The following PIK3R6 variants were observed in gnomAD, a reference collection of about 807,000 sequenced individuals.
The protein encoded by PIK3R6 is phosphoinositide-3-kinase regulatory subunit 6.
PIK3R6 carries 91 observed loss-of-function variants against 84.9 expected under a neutral mutation model. The observed-to-expected ratio is 1.07, with a 90% confidence interval of 0.90 to 1.28. The LOEUF (loss-of-function observed/expected upper bound fraction) is 1.28, where lower values mean the gene tolerates loss of function less well. Ranked by LOEUF, PIK3R6 falls within the 50% of genes most tolerant of loss-of-function variation. The pLI, the probability that PIK3R6 is intolerant of heterozygous loss-of-function variation, is 0.00. For missense variants in PIK3R6, 996 were observed against 985.1 expected (o/e 1.01, Z -0.15); for synonymous variants, 416 against 411.4 (o/e 1.01, Z -0.13).
At position 8,831,696 on chromosome 17, in the gene PIK3R6, C is replaced by A. The variant is rs528512165; in HGVS notation, c.802+1193G>T. ...AACCCAGGGCCTGGCACACTAACCT[C>A]TTCCGGTGGATTCCAGTCCTTAACC... On this transcript the variant is annotated intron_variant, in intron 9 of 19. Coordinates refer to ENST00000619866, the MANE Select transcript of PIK3R6 (RefSeq NM_001010855.4). Among the ~76,000 whole-genome samples the A allele has an allele frequency of 3.9e-5, 6 of 152,346 alleles. No homozygotes were observed. In the East Asian group the frequency reaches 1.2e-3, roughly 29 times the overall value.
At chr17:8,833,522 G>GC (rs368387131) in intron 8 of PIK3R6, among the ~76,000 whole-genome samples, 2 of 149,398 alleles carry the variant, frequency 1.3e-5, no homozygotes, top group East Asian at 3.9e-4. Context: ...GATCTGGGAA[G>GC]CCCCCCCTGA....
chr17:8,865,369 G>C (rs2151327696), intron 1 of PIK3R6, among the ~76,000 whole-genome samples: 1 of 152,294 alleles, frequency 6.6e-6, no homozygotes, highest in Admixed American at 6.5e-5. Flanking sequence ...AAGATGTGGA[G>C]CTTCCAGGCC....
In PIK3R6 at chr17:8,842,019, C is replaced by T. The variant is rs929135929; in HGVS notation, c.14-2322G>A. Among the ~76,000 whole-genome samples, 3 of 152,006 alleles carry T rather than the reference C, an allele frequency of 2.0e-5. No individual in the cohort carries two copies. Among genetic ancestry groups the T allele is most frequent in the Admixed American group, 2.0e-4 (3 of 15,242 alleles). On this transcript the variant is annotated intron_variant, in intron 2 of 19. Transcript: ENST00000619866. The surrounding 1 kb of genome is among the most constrained non-coding windows in gnomAD (Gnocchi z 4.5). Reference sequence around the variant, plus strand: ...CCTGAGAACTGGTTGTTAAAAAGAGCCCGGCACCTTCCCCCTCTCTCTTGC... The same window carrying T: ...CCTGAGAACTGGTTGTTAAAAAGAGTCCGGCACCTTCCCCCTCTCTCTTGC...
intron 9 of PIK3R6, among the ~76,000 whole-genome samples, chr17:8,830,768 C>T (rs2088204617): frequency 6.6e-6 from 1 of 152,224 alleles, no homozygotes; most frequent in Admixed American, 6.5e-5. Flanking sequence ...CTCTTACCCA[C>T]AACACTGTGC....
At chr17:8,833,885 G>A (rs2088352396) in intron 8 of PIK3R6, among the ~76,000 whole-genome samples, 3 of 151,790 alleles carry the variant, frequency 2.0e-5, no homozygotes, top group South Asian at 4.2e-4. Context: ...AGTGAGCCAT[G>A]CAGCCCAGCG....
At chr17:8,845,864 G>C (rs556856371) in intron 2 of PIK3R6, among the ~76,000 whole-genome samples, 3 of 152,106 alleles carry the variant, frequency 2.0e-5, no homozygotes, top group Non-Finnish European at 4.4e-5. Flanking sequence ...TTAAACCTGG[G>C]GGGTGGAGAT....
At chr17:8,860,390 A>G (rs1410109460) in intron 1 of PIK3R6, among the ~76,000 whole-genome samples, 9 of 152,136 alleles carry the variant, frequency 5.9e-5, no homozygotes, top group African/African-American at 1.4e-4. Context: ...AGAATCTAAT[A>G]CCTGATGATC....
chr17:8,829,659 G>A lies in PIK3R6; in HGVS notation c.889+47C>T, dbSNP rs1378700591. ...ACACTCATGCACGCATACACACACA[G>A]ACACAGACATATACCACTGTTTCCA... is the stretch of plus-strand genomic sequence containing the variant. On this transcript the variant is annotated intron_variant, in intron 10 of 19. Transcript: ENST00000619866. 1.1e-5 allele frequency: 17 copies of A among 1,514,352 alleles called. No homozygotes were observed. The East Asian group carries it at 3.9e-4, about 35-fold the overall frequency. 93.8% of individuals were successfully genotyped at this position (1,514,352 alleles called of 1,614,324 possible). A position where few individuals can be genotyped will look rare whatever the true frequency, so the allele number is the denominator to read the frequency against.
At chr17:8,808,393 T>TG (rs1198960202) in intron 18 of PIK3R6, among the ~76,000 whole-genome samples, 1 of 151,964 alleles carries the variant, frequency 6.6e-6, no homozygotes, top group Non-Finnish European at 1.5e-5. Flanking sequence ...TTTGTATCCT[T>TG]GGGGGTCCCG....
At chr17:8,805,726 G>T (rs1352884367) in intron 18 of PIK3R6, among the ~76,000 whole-genome samples, 2 of 152,088 alleles carry the variant, frequency 1.3e-5, no homozygotes, top group East Asian at 3.9e-4. Context: ...GATCAGCCTG[G>T]CCAACATGGT....
rs1428110396 is a variant in PIK3R6, at chr17:8,803,013, G to T, written c.*260C>A. 6.3e-6 allele frequency: 3 copies of T among 476,492 alleles called. No homozygotes were observed. Among genetic ancestry groups the T allele is most frequent in the East Asian group, 8.5e-5 (2 of 23,502 alleles). The allele number at this position is 476,492 out of a possible 1,614,324, so 29.5% of individuals were successfully genotyped here. ...GGAATTGAAGCTAAATGAAGGAGTA[G>T]ACATTTGTATGAGAAGCTGGGCTTG... On this transcript the variant is annotated 3_prime_UTR_variant, in exon 20 of 20. Transcript: ENST00000619866. This position sits in a 1 kb window ranked among gnomAD's most constrained non-coding sequence, Gnocchi z 5.0.
In PIK3R6 at chr17:8,819,451, G is replaced by A. The variant is rs547235571; in HGVS notation, c.1880-253C>T. On this transcript the variant is annotated intron_variant, in intron 17 of 19. Coordinates refer to ENST00000619866, the MANE Select transcript of PIK3R6 (RefSeq NM_001010855.4). ...GGCCATCACCAACCCAAATCCGCACGCCCTACCCTTTCATTATCTCCTCCT... is the reference window on the plus strand; with the variant it reads ...GGCCATCACCAACCCAAATCCGCACACCCTACCCTTTCATTATCTCCTCCT... Among the ~76,000 whole-genome samples the A allele has an allele frequency of 6.1e-4, 93 of 151,822 alleles. 1 individual carries two copies. In the South Asian group the frequency reaches 0.018, roughly 30 times the overall value.
chr17:8,823,539 G>A (rs781174443), intron 13 of PIK3R6, 42 bp from the exon 14 acceptor site: 4 of 1,380,464 alleles, frequency 2.9e-6, no homozygotes, highest in Non-Finnish European at 4.1e-6. Flanking sequence ...CTCCCCCAAG[G>A]CCACTGTGGG....
chr17:8,819,616 G>T (rs1487943501), intron 17 of PIK3R6, among the ~76,000 whole-genome samples: 1 of 150,518 alleles, frequency 6.6e-6, no homozygotes, highest in Non-Finnish European at 1.5e-5. Flanking sequence ...GAGGGCATCA[G>T]TGCCAACAGG....
At position 8,803,891 on chromosome 17, in the gene PIK3R6, T is replaced by C. The variant is rs1016211858; in HGVS notation, c.2108+150A>G. On this transcript the variant is annotated intron_variant, in intron 19 of 19. Coordinates refer to ENST00000619866, the MANE Select transcript of PIK3R6 (RefSeq NM_001010855.4). The surrounding 1 kb of genome is among the most constrained non-coding windows in gnomAD (Gnocchi z 5.0). ...ATCCAAAGCATAGGGCAGTGGCCTC[T>C]GTCCATCCTCACCAAGGTTACCTGC... is the stretch of plus-strand genomic sequence containing the variant. 2.8e-5 allele frequency: 19 copies of C among 674,036 alleles called. No homozygotes were observed. Among genetic ancestry groups the C allele is most frequent in the Admixed American group, 2.5e-4 (10 of 39,944 alleles). 41.8% of individuals were successfully genotyped at this position (674,036 alleles called of 1,614,324 possible).
chr17:8,822,051 TC>T (rs2087751441), intron 16 of PIK3R6, 115 bp from the exon 17 acceptor site: 56 of 645,506 alleles, frequency 8.7e-5, no homozygotes, highest in Non-Finnish European at 1.2e-4. Context: ...GCTGTGAGAG[TC>T]TTTTTTTTTT....
chr17:8,819,156 G>C lies in PIK3R6; in HGVS notation c.1922C>G (p.Thr641Arg). The change falls in exon 18 of 20, where the codon ACA becomes AGA. Residue 641 changes from threonine (T) to arginine (R), a missense_variant. Thr to Arg is a moderately conservative substitution (Grantham distance 71). Coordinates refer to ENST00000619866, the MANE Select transcript of PIK3R6 (RefSeq NM_001010855.4). ...SHCPLPAAPV[T>R]DHTCLNVNVT... ...GTTGACATTCAGACATGTGTGGTCT[G>C]TGACAGGAGCAGCAGGCAGGGGGCA... The C allele has an allele frequency of 6.2e-7, 1 of 1,610,904 alleles. No homozygotes were observed. Among genetic ancestry groups the C allele is most frequent in the Non-Finnish European group, 8.5e-7 (1 of 1,178,516 alleles).
chr17:8,848,971 G>T (rs769449106), intron 2 of PIK3R6, among the ~76,000 whole-genome samples: 2 of 152,190 alleles, frequency 1.3e-5, no homozygotes, highest in Admixed American at 6.5e-5. Flanking sequence ...GTCTCAGCGT[G>T]GTGGCCTAAG....
intron 1 of PIK3R6, among the ~76,000 whole-genome samples, chr17:8,859,160 G>C (rs1171775526): frequency 1.3e-5 from 2 of 152,258 alleles, no homozygotes; most frequent in Non-Finnish European, 1.5e-5. Flanking sequence ...CCCTCTGGCT[G>C]TCTTCTGAGT....
Sources: allele counts gnomAD v4.1 joint callset (sites outside exome capture counted in the v4.1 genomes callset), GRCh38; gene constraint gnomAD v4.1.1; non-coding constraint Gnocchi (gnomAD v3.1); transcripts MANE v1.5; gene names NCBI Gene and HGNC (gene_info 2026-07-23, HGNC 2026-07-21).